NAV1: variants seen among roughly 807,000 people sequenced by gnomAD.
NAV1 encodes the protein neuron navigator 1, also known as pore membrane and/or filament interacting like protein 3.
NAV1 carries 18 observed loss-of-function variants against 175.2 expected under a neutral mutation model. The observed-to-expected ratio is 0.10, with a 90% CI of 0.07 to 0.15. NAV1 has a LOEUF of 0.15. NAV1 is among the 10% of genes least tolerant of loss of function. The pLI, the probability that NAV1 is intolerant of heterozygous loss-of-function variation, is 1.00. For missense variants in NAV1, 1,731 were observed against 2,436.6 expected (o/e 0.71, Z 6.10); for synonymous variants, 897 against 978.7 (o/e 0.92, Z 1.56).
chr1:201,783,714 A>G, exon 7 of NAV1: 1 of 1,614,212 alleles, frequency 6.2e-7, no homozygotes, highest in Non-Finnish European at 8.5e-7. Flanking sequence ...GAGTCCCTCC[A>G]GATGCCAATG....
intron 3 of NAV1, among the ~76,000 whole-genome samples, chr1:201,720,463 G>A (rs1399438006): frequency 1.3e-5 from 2 of 152,206 alleles, no homozygotes; most frequent in Non-Finnish European, 2.9e-5. Flanking sequence ...TGATGGAAAC[G>A]AGATCCCTCT....
chr1:201,619,219 G>A (rs531038381), upstream of NAV1, among the ~76,000 whole-genome samples: 3 of 152,374 alleles, frequency 2.0e-5, no homozygotes, highest in Middle Eastern at 3.4e-3. Context: ...ATTAGCAAGC[G>A]AGGGAGACGC....
chr1:201,745,294 A>G (rs557886809), intron 3 of NAV1, among the ~76,000 whole-genome samples: 17 of 152,356 alleles, frequency 1.1e-4, no homozygotes, highest in Non-Finnish European at 2.1e-4. Context: ...CAGTCTGGCC[A>G]CTGGTCCTTA....
rs921911680 is a variant in NAV1 at position 201,543,528 on chromosome 1, AT to A, written c.-144+4195del. On this transcript the variant is annotated intron_variant, in intron 1 of 33. Coordinates refer to the NAV1 transcript ENST00000685211. ...TTTTTTTTTTTATCTGCAAAGTTTCATTTTTTTTTCCCCTGTAAAAAGACAA... is the reference window on the plus strand; with the variant it reads ...TTTTTTTTTTTATCTGCAAAGTTTCATTTTTTTTCCCCTGTAAAAAGACAA... Among the ~76,000 whole-genome samples, 31 of 146,720 alleles carry A rather than the reference AT, an allele frequency of 2.1e-4. 1 individual carries two copies. The East Asian group carries it at 2.4e-3, about 11-fold the overall frequency.
chr1:201,663,148 G>A (rs1165937268), intron 1 of NAV1, among the ~76,000 whole-genome samples: 3 of 152,100 alleles, frequency 2.0e-5, no homozygotes, highest in Non-Finnish European at 2.9e-5. Context: ...GGGGCGAAGG[G>A]GAACGGTCTC....
intron 3 of NAV1, among the ~76,000 whole-genome samples, chr1:201,732,479 T>A (rs1265305134): frequency 6.6e-6 from 1 of 152,012 alleles, no homozygotes; most frequent in Non-Finnish European, 1.5e-5. Context: ...ATGTCTGGCT[T>A]ATACACTCTC....
chr1:201,826,674 AC>A (rs1174741021), exon 30 of NAV1: 1 of 151,618 alleles, frequency 6.6e-6, no homozygotes, highest in African/African-American at 2.4e-5. Context: ...CTTTCAACCT[AC>A]CCCCTTTTAT....
Position 201,555,599 on chromosome 1 carries a change from C to T in NAV1, c.-144+16257C>T, listed in dbSNP as rs576015468. On this transcript the variant is annotated intron_variant, in intron 1 of 33. Coordinates refer to the NAV1 transcript ENST00000685211. ...AACTCAGCCCTCTTCTCCTGGTGGCCGGGACCCTGGAAAGTCCCAAGCATC... is the reference window on the plus strand; with the variant it reads ...AACTCAGCCCTCTTCTCCTGGTGGCTGGGACCCTGGAAAGTCCCAAGCATC... 1.5e-4 allele frequency among the ~76,000 whole-genome samples: 23 copies of T among 152,062 alleles called. No individual in the cohort carries two copies. The South Asian group carries it at 1.9e-3, about 12-fold the overall frequency.
At chr1:201,607,115 CTT>C (rs914962230) in intron 2 of NAV1, among the ~76,000 whole-genome samples, 19 of 130,268 alleles carry the variant, frequency 1.5e-4, no homozygotes, top group Admixed American at 1.6e-4. Flanking sequence ...TAATTTTTTT[CTT>C]TTTTTTTTTT....
At chr1:201,675,027 G>T (rs2102386530) in intron 1 of NAV1, among the ~76,000 whole-genome samples, 2 of 142,760 alleles carry the variant, frequency 1.4e-5, no homozygotes, top group East Asian at 4.0e-4. Context: ...GTGAGACTCT[G>T]TCTCAAAAAA....
At chr1:201,733,567 C>T (rs1189671038) in intron 3 of NAV1, 3 of 151,794 alleles carry the variant, frequency 2.0e-5, no homozygotes, top group Admixed American at 2.0e-4. Context: ...AACAGATAAA[C>T]ATGCAATAGG....
intron 15 of NAV1, 35 bp from the exon 20 acceptor site, chr1:201,803,558 T>G: frequency 6.2e-7 from 1 of 1,605,086 alleles, no homozygotes; most frequent in Middle Eastern, 1.7e-4. Flanking sequence ...TCTCTAAATC[T>G]GTTCTATGTT....
intron 1 of NAV1, among the ~76,000 whole-genome samples, chr1:201,585,002 G>A (rs549145370): frequency 6.6e-6 from 1 of 152,160 alleles, no homozygotes; most frequent in African/African-American, 2.4e-5. Flanking sequence ...AACTGACCAA[G>A]GTCCTCCCAC....
At chr1:201,566,690 GT>G (rs1234618898) in intron 1 of NAV1, among the ~76,000 whole-genome samples, 1 of 151,868 alleles carries the variant, frequency 6.6e-6, no homozygotes, top group Admixed American at 6.6e-5. Context: ...AACTAGTGTT[GT>G]TTTTTTCTTC....
chr1:201,784,146 G>T (rs1676533282), intron 7 of NAV1, among the ~76,000 whole-genome samples: 1 of 152,088 alleles, frequency 6.6e-6, no homozygotes, highest in Non-Finnish European at 1.5e-5. Flanking sequence ...TTGCTTCCTA[G>T]TCCAAAATCA....
In NAV1 at chr1:201,626,882, G is replaced by T. The variant is rs199941746; in HGVS notation, c.-100-2522G>T. Among the ~76,000 whole-genome samples the T allele has an allele frequency of 6.6e-5, 10 of 152,328 alleles. No homozygotes were observed. In the East Asian group the frequency reaches 1.9e-3, roughly 29 times the overall value. ...CTGTCCACTCAGGCTGAGAAGTGAG[G>T]GCGGACATGGAGGCCTGGCCATGTT... On this transcript the variant is annotated intron_variant, in intron 1 of 29. Coordinates refer to the NAV1 transcript ENST00000367302.
At chr1:201,822,364 C>T (rs1221550835) in exon 30 of NAV1, 3 of 152,672 alleles carry the variant, frequency 2.0e-5, no homozygotes, top group African/African-American at 7.2e-5. Flanking sequence ...GCTCCAGTTC[C>T]ATGGCAAGGC....
intron 2 of NAV1, among the ~76,000 whole-genome samples, chr1:201,637,370 T>C (rs181905648): frequency 1.3e-5 from 2 of 152,334 alleles, no homozygotes; most frequent in East Asian, 3.9e-4. Context: ...AATGGACATA[T>C]TCACAGTATT....
In NAV1 at chr1:201,547,136, G is replaced by A. The variant is rs193240809; in HGVS notation, c.-144+7794G>A. 1.9e-3 allele frequency among the ~76,000 whole-genome samples: 293 copies of A among 151,756 alleles called. 2 individuals carry two copies. The highest frequency in any genetic ancestry group is 2.9e-3 in the South Asian group (14 of 4,796). On this transcript the variant is annotated intron_variant, in intron 1 of 33. Coordinates refer to the NAV1 transcript ENST00000685211. ...CGAGTAGCTGGGATTACAGGCACGC[G>A]CCACCATGCCCGGCTAATTTTTTTG...
Sources: allele counts gnomAD v4.1 joint callset (sites outside exome capture counted in the v4.1 genomes callset), GRCh38; gene constraint gnomAD v4.1.1; transcripts MANE v1.5; gene names NCBI Gene and HGNC (gene_info 2026-07-23, HGNC 2026-07-21).